Variants in C6 observed in about 807,000 individuals in gnomAD.
C6 encodes complement component C6.
C6 carries 101 observed loss-of-function variants against 112.9 expected under a neutral mutation model. The observed-to-expected ratio is 0.89, with a 90% CI of 0.76 to 1.06. The LOEUF (loss-of-function observed/expected upper bound fraction) is 1.06. Ranked by LOEUF, C6 falls within the 50% of genes least tolerant of loss-of-function variation. The pLI is 0.00. For synonymous variants in C6, 431 were observed against 384.1 expected, an observed-to-expected ratio of 1.12 and a Z score of -1.43; for missense variants, 1,202 against 1,104.6, an observed-to-expected ratio of 1.09 and a Z score of -1.25.
upstream of C6, among the ~76,000 whole-genome samples, chr5:41,215,783 CT>C (rs1235566623): frequency 6.6e-6 from 1 of 152,104 alleles, no homozygotes; most frequent in Non-Finnish European, 1.5e-5. Context: ...CATTATTCCT[CT>C]TTTAATGATA....
chr5:41,213,961 A>G (rs1483086618), upstream of C6, among the ~76,000 whole-genome samples: 2 of 152,206 alleles, frequency 1.3e-5, no homozygotes, highest in African/African-American at 2.4e-5. Flanking sequence ...ATATGCCAGC[A>G]AAACCAAACA....
chr5:41,190,979 A>G (rs573539051), intron 5 of C6, among the ~76,000 whole-genome samples: 4 of 151,020 alleles, frequency 2.6e-5, no homozygotes, highest in East Asian at 1.9e-4. Context: ...TTTTATGCCA[A>G]TAGTGTGCTG....
chr5:41,239,375 G>A (rs757406272), intron 1 of C6, among the ~76,000 whole-genome samples: 3 of 152,066 alleles, frequency 2.0e-5, no homozygotes, highest in Non-Finnish European at 4.4e-5. Flanking sequence ...GCCTCCCAAA[G>A]TGCTGGGGTT....
At chr5:41,197,779 G>A (rs539041960) in intron 4 of C6, among the ~76,000 whole-genome samples, 3 of 152,062 alleles carry the variant, frequency 2.0e-5, no homozygotes, top group Non-Finnish European at 2.9e-5. Context: ...AATGGTTCCA[G>A]GTCATAAAAA....
chr5:41,172,480 T>G, intron 8 of C6, 133 bp from the exon 9 acceptor site: 1 of 863,902 alleles, frequency 1.2e-6, no homozygotes, highest in East Asian at 2.6e-5. Context: ...CCCCATAATC[T>G]TAAGTGACAG....
At chr5:41,157,053 A>G (rs941606532) in intron 13 of C6, among the ~76,000 whole-genome samples, 4 of 152,188 alleles carry the variant, frequency 2.6e-5, no homozygotes, top group African/African-American at 4.8e-5. Flanking sequence ...ATCTGCCTCT[A>G]TTTGAATCTA....
chr5:41,166,818 C>G (rs933523550), intron 9 of C6, among the ~76,000 whole-genome samples: 1 of 151,438 alleles, frequency 6.6e-6, no homozygotes, highest in African/African-American at 2.4e-5. Context: ...TGAAATTTTT[C>G]AATTTTGAAA....
At chr5:41,250,281 A>T (rs765068700) in intron 1 of C6, among the ~76,000 whole-genome samples, 1 of 152,180 alleles carries the variant, frequency 6.6e-6, no homozygotes, top group South Asian at 2.1e-4. Context: ...CGGAATTTGC[A>T]TATGTCACAT....
At chr5:41,199,191 G>T (rs1032227844) in intron 4 of C6, among the ~76,000 whole-genome samples, 1 of 152,068 alleles carries the variant, frequency 6.6e-6, no homozygotes, top group African/African-American at 2.4e-5. Flanking sequence ...TACTTTTCAG[G>T]ATATCTCAGA....
intron 17 of C6, among the ~76,000 whole-genome samples, chr5:41,147,871 A>G (rs1194021010): frequency 1.3e-5 from 2 of 152,150 alleles, no homozygotes; most frequent in Admixed American, 6.6e-5. Flanking sequence ...TGTAATGTCT[A>G]TGGCCAGTAA....
chr5:41,208,326 C>A (rs891605522), intron 1 of C6, among the ~76,000 whole-genome samples: 1 of 152,042 alleles, frequency 6.6e-6, no homozygotes, highest in Non-Finnish European at 1.5e-5. Flanking sequence ...GAAGCAAGAG[C>A]AAACACATTC....
At chr5:41,162,625 G>A (rs1747627423) in intron 9 of C6, among the ~76,000 whole-genome samples, 1 of 152,158 alleles carries the variant, frequency 6.6e-6, no homozygotes, top group African/African-American at 2.4e-5. Context: ...ATAAGAAATA[G>A]TAGCAAATAA....
intron 17 of C6, among the ~76,000 whole-genome samples, chr5:41,148,631 G>A (rs1167398208): frequency 1.3e-5 from 2 of 152,190 alleles, no homozygotes; most frequent in East Asian, 3.9e-4. Flanking sequence ...ACAGGCATGA[G>A]CCCCAGAGCT....
At chr5:41,240,178 G>A (rs116824310) in intron 1 of C6, among the ~76,000 whole-genome samples, 65 of 152,238 alleles carry the variant, frequency 4.3e-4, no homozygotes, top group African/African-American at 1.5e-3. Flanking sequence ...TCTATGCCAT[G>A]GATCTTCATT....
At chr5:41,165,721 A>G (rs961392283) in intron 9 of C6, among the ~76,000 whole-genome samples, 2 of 152,116 alleles carry the variant, frequency 1.3e-5, no homozygotes, top group African/African-American at 4.8e-5. Flanking sequence ...TCATCAATTT[A>G]TATGGATTGT....
At chr5:41,166,350 A>C (rs1747972967) in intron 9 of C6, among the ~76,000 whole-genome samples, 1 of 152,118 alleles carries the variant, frequency 6.6e-6, no homozygotes, top group Non-Finnish European at 1.5e-5. Flanking sequence ...ATTCATTTAC[A>C]CATTCATTCT....
intron 5 of C6, among the ~76,000 whole-genome samples, chr5:41,188,352 C>T (rs1252676706): frequency 6.6e-6 from 1 of 152,038 alleles, no homozygotes; most frequent in African/African-American, 2.4e-5. Context: ...AAGGAATTAC[C>T]TTCCTGATAC....
At chr5:41,178,466 C>CTTTTTTTTTTT (rs70988836) in intron 7 of C6, among the ~76,000 whole-genome samples, 401 of 101,552 alleles carry the variant, frequency 3.9e-3, no homozygotes, top group Middle Eastern at 7.0e-3. Context: ...TTTTCTTTTT[C>CTTTTTTTTTTT]TTTTTTTTTT....
rs572271333 is a variant in C6 at position 41,258,103 on chromosome 5, TG to T, written c.-21+3090del. 4.4e-3 allele frequency among the ~76,000 whole-genome samples: 674 copies of T among 152,288 alleles called. 10 individuals are homozygous for T. The highest frequency in any genetic ancestry group is 0.016 in the African/African-American group (649 of 41,574). On this transcript the variant is annotated intron_variant, in intron 1 of 17. Transcript: ENST00000263413. ...TGGTCTTCACAAGCAAAAATTAAATTGCTTTAATTTTTCTTATTATTCTATA... is the reference window on the plus strand; with the variant it reads ...TGGTCTTCACAAGCAAAAATTAAATTCTTTAATTTTTCTTATTATTCTATA...
Sources: allele counts gnomAD v4.1 joint callset (sites outside exome capture counted in the v4.1 genomes callset), GRCh38; gene constraint gnomAD v4.1.1; transcripts MANE v1.5; gene names NCBI Gene and HGNC (gene_info 2026-07-23, HGNC 2026-07-21).